The following ARHGEF28 variants were observed in gnomAD, a reference collection of about 807,000 sequenced individuals.
ARHGEF28 encodes the protein Rho guanine nucleotide exchange factor 28.
ARHGEF28 carries 152 observed loss-of-function variants against 206.6 expected under a neutral mutation model. The ratio of observed to expected loss-of-function variants is 0.74; its 90% CI spans 0.64 to 0.84. The LOEUF (loss-of-function observed/expected upper bound fraction) is 0.84, where lower values mean the gene tolerates loss of function less well. Ranked by LOEUF, ARHGEF28 falls within the 40% of genes least tolerant of loss-of-function variation. ARHGEF28 has a pLI of 0.00. For synonymous variants in ARHGEF28, 763 were observed against 776.4 expected (o/e 0.98, Z 0.29); for missense variants, 2,028 against 2,073.2 (o/e 0.98, Z 0.42).
chr5:73,682,600 T>C (rs942561058), intron 1 of ARHGEF28, among the ~76,000 whole-genome samples: 8 of 152,068 alleles, frequency 5.3e-5, no homozygotes, highest in African/African-American at 1.4e-4. Context: ...TTAGTAGATA[T>C]GGGGTTTCAC....
intron 35 of ARHGEF28, among the ~76,000 whole-genome samples, chr5:73,913,751 T>G (rs571910028): frequency 1.3e-5 from 2 of 152,226 alleles, no homozygotes; most frequent in Non-Finnish European, 2.9e-5. Context: ...ACTGAGGATC[T>G]CCATAGTTCA....
In ARHGEF28 at chr5:73,836,270, A is replaced by G. The variant is rs151013587; in HGVS notation, c.1146+3811A>G. On this transcript the variant is annotated intron_variant, in intron 10 of 35. Transcript: ENST00000513042. ...TGCTGATTTACATTCCCAACAGTGTATAAGAATTCCCCTTTCTCCACATCC... is the reference window on the plus strand; with the variant it reads ...TGCTGATTTACATTCCCAACAGTGTGTAAGAATTCCCCTTTCTCCACATCC... Among the ~76,000 whole-genome samples the G allele has an allele frequency of 8.8e-5, 13 of 147,712 alleles. 1 individual carries two copies. The highest frequency in any genetic ancestry group is 1.5e-4 in the Non-Finnish European group (10 of 67,320).
intron 11 of ARHGEF28, among the ~76,000 whole-genome samples, chr5:73,845,986 CAAA>C (rs57600570): frequency 0.03 from 1,930 of 63,486 alleles, 44 homozygotes; most frequent in African/African-American, 0.084. Context: ...AAAACTGTCT[CAAA>C]AAAAAAAAAA....
intron 31 of ARHGEF28, chr5:73,903,193 G>C (rs1762368075): frequency 6.6e-6 from 1 of 152,184 alleles, no homozygotes; most frequent in African/African-American, 2.4e-5. Context: ...ATTACCCGAG[G>C]ACATGACCAT....
intron 2 of ARHGEF28, among the ~76,000 whole-genome samples, chr5:73,706,268 C>T (rs1033542652): frequency 1.5e-4 from 23 of 151,778 alleles, no homozygotes; most frequent in Admixed American, 4.6e-4. Context: ...CGCTTGAATC[C>T]GGGAGGCAGA....
intron 33 of ARHGEF28, among the ~76,000 whole-genome samples, chr5:73,907,178 T>A (rs772743806): frequency 2.6e-5 from 4 of 152,218 alleles, no homozygotes; most frequent in Non-Finnish European, 5.9e-5. Context: ...TAATCTTTCT[T>A]TTAAATGTCA....
At chr5:73,747,462 C>T (rs1751786411) in intron 2 of ARHGEF28, among the ~76,000 whole-genome samples, 1 of 152,180 alleles carries the variant, frequency 6.6e-6, no homozygotes, top group Non-Finnish European at 1.5e-5. Flanking sequence ...TGCTGATCTC[C>T]TAAGTAGCTT....
chr5:73,875,105 G>A (rs1760371887), intron 22 of ARHGEF28, among the ~76,000 whole-genome samples: 1 of 149,190 alleles, frequency 6.7e-6, no homozygotes, highest in Admixed American at 6.7e-5. Flanking sequence ...TTTAATGATT[G>A]CCATTCTAAC....
At position 73,832,406 on chromosome 5, in the gene ARHGEF28, G is replaced by A; in HGVS notation, c.1093G>A (p.Asp365Asn). The A allele has an allele frequency of 6.2e-7, 1 of 1,612,610 alleles. No individual in the cohort carries two copies. Among genetic ancestry groups the A allele is most frequent in the Non-Finnish European group, 8.5e-7 (1 of 1,179,326 alleles). Residue 365 changes from aspartate (D) to asparagine (N), a missense_variant, in exon 10 of 36, where the codon GAC (aspartate) becomes AAC (asparagine). Coordinates refer to ENST00000513042, the MANE Select transcript of ARHGEF28 (RefSeq NM_001177693.2). The stretch of plus-strand genomic sequence containing the variant: ...ATTGCTTGCTGCAGGCCGGCTTTCA[G>A]ACATGCTGAATGGAGGTGATGAAGT... ...STLLAAGRLS[D>N]MLNGGDEVYA...
At chr5:73,917,563 A>C (rs1763278821) in intron 35 of ARHGEF28, among the ~76,000 whole-genome samples, 1 of 152,214 alleles carries the variant, frequency 6.6e-6, no homozygotes, top group Admixed American at 6.5e-5. Flanking sequence ...ATGTGAGCCA[A>C]CTGGGCCAGG....
intron 1 of ARHGEF28, among the ~76,000 whole-genome samples, chr5:73,644,452 C>G (rs1744311268): frequency 6.6e-6 from 1 of 152,190 alleles, no homozygotes; most frequent in Admixed American, 6.5e-5. Context: ...CCATACTCCA[C>G]TCTGCTGTCA....
chr5:73,714,772 C>T (rs775412479), intron 2 of ARHGEF28, among the ~76,000 whole-genome samples: 1 of 152,170 alleles, frequency 6.6e-6, no homozygotes, highest in Non-Finnish European at 1.5e-5. Flanking sequence ...GCAAGACATA[C>T]ATTTCTAGCA....
At chr5:73,883,511 T>C (rs1191097247) in intron 23 of ARHGEF28, among the ~76,000 whole-genome samples, 1 of 152,192 alleles carries the variant, frequency 6.6e-6, no homozygotes, top group Non-Finnish European at 1.5e-5. Flanking sequence ...CACTTAGAAG[T>C]ATTGGAACTT....
chr5:73,926,672 T>C (rs1763829992), intron 35 of ARHGEF28, among the ~76,000 whole-genome samples: 1 of 152,186 alleles, frequency 6.6e-6, no homozygotes, highest in Non-Finnish European at 1.5e-5. Flanking sequence ...CTTTCAAGGC[T>C]CAGTTCATGT....
intron 1 of ARHGEF28, among the ~76,000 whole-genome samples, chr5:73,669,618 C>T (rs1401963651): frequency 6.6e-6 from 1 of 152,186 alleles, no homozygotes; most frequent in African/African-American, 2.4e-5. Context: ...GTGTTGTAGT[C>T]TTAATATAAC....
chr5:73,878,059 A>C (rs1724738416), intron 22 of ARHGEF28, among the ~76,000 whole-genome samples: 1 of 152,116 alleles, frequency 6.6e-6, no homozygotes, highest in African/African-American at 2.4e-5. Flanking sequence ...GTGGGAGTCT[A>C]AGTCTCTTTG....
intron 9 of ARHGEF28, among the ~76,000 whole-genome samples, chr5:73,798,089 T>A (rs1244023890): frequency 6.6e-6 from 1 of 152,196 alleles, no homozygotes; most frequent in African/African-American, 2.4e-5. Context: ...CTATTTTTTT[T>A]AAGTTGTTGT....
chr5:73,658,553 T>C (rs1338322046), intron 1 of ARHGEF28, among the ~76,000 whole-genome samples: 1 of 152,180 alleles, frequency 6.6e-6, no homozygotes, highest in African/African-American at 2.4e-5. Context: ...AGGCCTAACC[T>C]GTGACCAGTT....
At chr5:73,645,151 T>TA (rs1744351570) in intron 1 of ARHGEF28, among the ~76,000 whole-genome samples, 2 of 152,258 alleles carry the variant, frequency 1.3e-5, no homozygotes, top group East Asian at 1.9e-4. Context: ...TAGGGTCATT[T>TA]AAAAAAATCA....
Sources: allele counts gnomAD v4.1 joint callset (sites outside exome capture counted in the v4.1 genomes callset), GRCh38; gene constraint gnomAD v4.1.1; transcripts MANE v1.5; gene names NCBI Gene and HGNC (gene_info 2026-07-23, HGNC 2026-07-21).